The following CA13 variants were observed in gnomAD, a reference collection of about 807,000 sequenced individuals.
CA13 encodes the protein CA-XIII.
A neutral mutation model predicts 31.5 loss-of-function variants in CA13; 21 were observed. That is an observed-to-expected ratio of 0.67 (90% confidence interval 0.47 to 0.96). CA13 has a LOEUF of 0.96. CA13 is among the 40% of genes least tolerant of loss of function. The pLI is 0.00. For synonymous variants in CA13, 117 were observed against 111.4 expected (o/e 1.05, Z -0.32); for missense variants, 315 against 318.9 (o/e 0.99, Z 0.09).
intron 5 of CA13, among the ~76,000 whole-genome samples, 177 bp downstream of exon 5, chr8:85,268,141 C>G (rs1807481013): frequency 6.6e-6 from 1 of 152,060 alleles, no homozygotes; most frequent in Admixed American, 6.6e-5. Context: ...CTTAAATTAC[C>G]TAAAATAAAC....
intron 3 of CA13, among the ~76,000 whole-genome samples, chr8:85,265,789 TAC>T (rs1807448240): frequency 1.3e-5 from 2 of 152,252 alleles, no homozygotes; most frequent in African/African-American, 4.8e-5. Flanking sequence ...CATAAATGTA[TAC>T]AGTTATGATT....
chr8:85,276,120 C>G (rs1453627149), intron 6 of CA13, among the ~76,000 whole-genome samples: 1 of 152,014 alleles, frequency 6.6e-6, no homozygotes, highest in African/African-American at 2.4e-5. Context: ...AGCACGAGTT[C>G]CGGGTGGGCG....
At chr8:85,262,231 A>G (rs1436832422) in intron 3 of CA13, among the ~76,000 whole-genome samples, 1 of 126,976 alleles carries the variant, frequency 7.9e-6, no homozygotes, top group Non-Finnish European at 1.7e-5. Flanking sequence ...TTGAGAATCA[A>G]CCATGCTCCT....
Position 85,268,531 on chromosome 8 carries a change from C to T in CA13, c.573C>T (p.Asp191=). ...TGTCTCTGCTTCCACCATCCTGGGACTACTGGACATATCCTGGTTCTCTTA... is the reference window on the plus strand; with the variant it reads ...TGTCTCTGCTTCCACCATCCTGGGATTACTGGACATATCCTGGTTCTCTTA... ...DLLSLLPPSW[D]YWTYPGSLTV... is the part of the protein sequence containing the mutation. The change falls in exon 6 of 7, where the codon GAC becomes GAT. Residue 191 remains aspartate (D), a synonymous_variant. Coordinates refer to ENST00000321764, the MANE Select transcript of CA13 (RefSeq NM_198584.3). 1.2e-6 allele frequency: 2 copies of T among 1,614,028 alleles called. No homozygotes were observed. The highest frequency in any genetic ancestry group is 1.7e-6 in the Non-Finnish European group (2 of 1,179,888).
chr8:85,268,657 T>TGTA (rs767865023), intron 6 of CA13, 30 bp downstream of exon 6: 9 of 1,573,358 alleles, frequency 5.7e-6, no homozygotes, highest in Non-Finnish European at 7.8e-6. Context: ...TTGATACTGA[T>TGTA]TCCCTCAGAG....
chr8:85,272,511 C>T (rs1284635095), intron 6 of CA13, among the ~76,000 whole-genome samples: 2 of 152,170 alleles, frequency 1.3e-5, no homozygotes, highest in Non-Finnish European at 2.9e-5. Context: ...CCATCTTAGC[C>T]TCCCAAAGTG....
chr8:85,249,617 G>C (rs1315974544), intron 1 of CA13, among the ~76,000 whole-genome samples: 1 of 152,040 alleles, frequency 6.6e-6, no homozygotes, highest in Non-Finnish European at 1.5e-5. Flanking sequence ...GTTGTCGTTA[G>C]TAACAGGTTT....
In CA13 at chr8:85,281,661, CACAA is replaced by C; in HGVS notation, c.*313_*316del. 1.6e-5 allele frequency: 4 copies of C among 245,502 alleles called. No individual in the cohort carries two copies. Among genetic ancestry groups the C allele is most frequent in the Non-Finnish European group, 2.1e-5 (3 of 146,314 alleles). The allele number at this position is 245,502 out of a possible 1,614,324, so 15.2% of individuals were successfully genotyped here. A position where few individuals can be genotyped will look rare whatever the true frequency, so the allele number is the denominator to read the frequency against. On this transcript the variant is annotated 3_prime_UTR_variant, in exon 7 of 7. Coordinates refer to ENST00000321764, the MANE Select transcript of CA13 (RefSeq NM_198584.3). The stretch of plus-strand genomic sequence containing the variant: ...CAGAGTAAGTAGGACCACAGGCATG[CACAA>C]GCATGCCTGGCTAATTTTTAAATTT...
intron 4 of CA13, chr8:85,267,234 A>T (rs1221041212): frequency 1.0e-6 from 1 of 988,284 alleles, no homozygotes; most frequent in South Asian, 4.6e-5. Flanking sequence ...CCTTTGTCAC[A>T]CCCCATACTC....
intron 6 of CA13, among the ~76,000 whole-genome samples, chr8:85,278,265 CAAAAAAAAAAAAA>C (rs1012685036): frequency 1.3e-5 from 1 of 76,970 alleles, no homozygotes; most frequent in Non-Finnish European, 2.4e-5. Context: ...GACTCTATCT[CAAAAAAAAAAAAA>C]AAAAAAAAAA....
At chr8:85,251,127 G>A (rs183655266) in intron 2 of CA13, among the ~76,000 whole-genome samples, 190 bp downstream of exon 2, 3 of 151,168 alleles carry the variant, frequency 2.0e-5, no homozygotes, top group Admixed American at 6.6e-5. Context: ...TCAGCCTCCC[G>A]AGTAACTGGG....
At chr8:85,249,852 G>A (rs1275028222) in intron 1 of CA13, 3 of 452,650 alleles carry the variant, frequency 6.6e-6, no homozygotes, top group African/African-American at 6.0e-5. Flanking sequence ...TGCTGATTTT[G>A]AGAGGCAAGA....
chr8:85,283,435 T>TA lies in CA13; in HGVS notation c.*2092dup, dbSNP rs1428418802. ...GCAATTATTTAATGAATTGAATATT[T>TA]AAAAAATTTTTTATTTGCTGTCTTT... On this transcript the variant is annotated 3_prime_UTR_variant, in exon 7 of 7. Coordinates refer to ENST00000321764, the MANE Select transcript of CA13 (RefSeq NM_198584.3). 6.6e-6 allele frequency: 1 copy of TA among 152,414 alleles called. No homozygotes were observed. Among genetic ancestry groups the TA allele is most frequent in the South Asian group, 2.1e-4 (1 of 4,836 alleles). 9.4% of individuals were successfully genotyped at this position (152,414 alleles called of 1,614,324 possible). A position where few individuals can be genotyped will look rare whatever the true frequency, so the allele number is the denominator to read the frequency against.
At chr8:85,270,676 A>G (rs538144607) in intron 6 of CA13, among the ~76,000 whole-genome samples, 1 of 152,318 alleles carries the variant, frequency 6.6e-6, no homozygotes, top group South Asian at 2.1e-4. Context: ...GTTTTCCCTC[A>G]TATTTCAAGG....
At chr8:85,273,338 A>G (rs1011641715) in intron 6 of CA13, among the ~76,000 whole-genome samples, 1 of 152,128 alleles carries the variant, frequency 6.6e-6, no homozygotes, top group African/African-American at 2.4e-5. Context: ...CTATGTATGT[A>G]TCTCCTTTTG....
intron 1 of CA13, among the ~76,000 whole-genome samples, chr8:85,249,669 T>G (rs1250788082): frequency 1.3e-5 from 2 of 152,174 alleles, no homozygotes; most frequent in Non-Finnish European, 2.9e-5. Flanking sequence ...GTACTTGATT[T>G]TTAGTGAAAG....
At chr8:85,249,886 TGAAGA>T in intron 1 of CA13, 1 of 434,598 alleles carries the variant, frequency 2.3e-6, no homozygotes, top group East Asian at 7.3e-5. Context: ...TCCAAAGAAG[TGAAGA>T]GGATTGAAAA....
intron 2 of CA13, among the ~76,000 whole-genome samples, chr8:85,253,595 G>A (rs1209763387): frequency 6.6e-6 from 1 of 152,196 alleles, no homozygotes; most frequent in Non-Finnish European, 1.5e-5. Flanking sequence ...AATGCATAAA[G>A]ACAAATAAAT....
At position 85,259,507 on chromosome 8, in the gene CA13, CA is replaced by C. The variant is rs1262648710; in HGVS notation, c.323del (p.His108ProfsTer2). 11 of 1,614,046 alleles carry C rather than the reference CA, an allele frequency of 6.8e-6. No individual in the cohort carries two copies. The highest frequency in any genetic ancestry group is 9.3e-6 in the Non-Finnish European group (11 of 1,179,926). On this transcript the variant is annotated frameshift_variant, in exon 3 of 7. Coordinates refer to ENST00000321764, the MANE Select transcript of CA13 (RefSeq NM_198584.3). LOFTEE classifies it high-confidence loss of function. ...GTCCGCTGATGACCACGGCTCCGAG[CA>C]CATAGTAGATGGAGTGAGCTATGCT... ...WGSADDHGSEHIVDGVSYAAE... is the reference protein window; with the variant it reads ...WGSADDHGSEXIVDGVSYAAE...
Sources: allele counts gnomAD v4.1 joint callset (sites outside exome capture counted in the v4.1 genomes callset), GRCh38; gene constraint gnomAD v4.1.1; transcripts MANE v1.5; gene names NCBI Gene and HGNC (gene_info 2026-07-23, HGNC 2026-07-21).